Variants in FIP1L1 observed in about 807,000 individuals in gnomAD.
FIP1L1 encodes factor interacting with PAPOLA and CPSF1.
Under a neutral mutation model 84.6 loss-of-function variants are expected in FIP1L1, and 21 were observed. The observed-to-expected ratio is 0.25, with a 90% CI of 0.18 to 0.36. The LOEUF (loss-of-function observed/expected upper bound fraction) is 0.36. FIP1L1 is among the 10% of genes least tolerant of loss of function. The pLI, the probability that FIP1L1 is intolerant of heterozygous loss-of-function variation, is 1.00. For missense variants in FIP1L1, 526 were observed against 751.1 expected (o/e 0.70, Z 3.50); for synonymous variants, 263 against 242.3 (o/e 1.09, Z -0.80).
chr4:53,389,895 G>A (rs1357521828), intron 6 of FIP1L1, 22 bp downstream of exon 6: 3 of 1,556,980 alleles, frequency 1.9e-6, no homozygotes, highest in African/African-American at 2.8e-5. Context: ...ATTTTCTGTT[G>A]CATCAATAGG....
chr4:53,401,056 T>C (rs778250790), intron 10 of FIP1L1, among the ~76,000 whole-genome samples: 7 of 152,200 alleles, frequency 4.6e-5, no homozygotes, highest in Non-Finnish European at 1.0e-4. Flanking sequence ...GCAAATTCTC[T>C]AATCTTATGC....
In FIP1L1 at chr4:53,449,306, A is replaced by G. The variant is rs562462165; in HGVS notation, c.1286-3614A>G. Among the ~76,000 whole-genome samples, 3 of 152,082 alleles carry G rather than the reference A, an allele frequency of 2.0e-5. No homozygotes were observed. In the South Asian group the frequency reaches 6.2e-4, roughly 32 times the overall value. On this transcript the variant is annotated intron_variant, in intron 15 of 17. Transcript: ENST00000337488. ...TTAAGGAAATTCTGTTCCTCTCCTG[A>G]TTTTCCAAGGGCTTATAAAACTATG...
At chr4:53,419,855 A>G (rs1035668017) in intron 11 of FIP1L1, among the ~76,000 whole-genome samples, 3 of 152,122 alleles carry the variant, frequency 2.0e-5, no homozygotes, top group Admixed American at 6.5e-5. Flanking sequence ...GCTCACGCCT[A>G]TAATCCCAGA....
At chr4:53,400,436 A>T (rs1442863115) in intron 10 of FIP1L1, among the ~76,000 whole-genome samples, 1 of 152,212 alleles carries the variant, frequency 6.6e-6, no homozygotes, top group East Asian at 1.9e-4. Flanking sequence ...CTGGTAAAGG[A>T]TAGTAGGCTA....
intron 13 of FIP1L1, among the ~76,000 whole-genome samples, chr4:53,437,081 C>G (rs1769562341): frequency 6.6e-6 from 1 of 152,020 alleles, no homozygotes; most frequent in South Asian, 2.1e-4. Flanking sequence ...AATCACAGCA[C>G]TTTGGGAGGC....
chr4:53,389,203 A>T (rs1289673093), intron 5 of FIP1L1, among the ~76,000 whole-genome samples: 1 of 152,222 alleles, frequency 6.6e-6, no homozygotes, highest in Non-Finnish European at 1.5e-5. Context: ...TGAGTACTCC[A>T]TGAATAGTTG....
chr4:53,405,489 G>A (rs557340643), intron 10 of FIP1L1, among the ~76,000 whole-genome samples: 168 of 150,832 alleles, frequency 1.1e-3, no homozygotes, highest in Non-Finnish European at 1.9e-3. Flanking sequence ...TTGGCGATGC[G>A]GGCTCTTTTT....
chr4:53,402,918 G>C (rs891096784), intron 10 of FIP1L1, among the ~76,000 whole-genome samples: 1 of 152,166 alleles, frequency 6.6e-6, no homozygotes, highest in African/African-American at 2.4e-5. Flanking sequence ...CACCAGTGCA[G>C]ATGGGTAGGT....
At chr4:53,389,783 GTTTT>G in intron 5 of FIP1L1, 22 bp from the exon 6 acceptor site, 1 of 1,528,064 alleles carries the variant, frequency 6.5e-7, no homozygotes, top group Middle Eastern at 1.7e-4. Flanking sequence ...GATAATTTCT[GTTTT>G]TTTTTGTTTG....
chr4:53,390,272 T>A (rs1743527449), intron 6 of FIP1L1, among the ~76,000 whole-genome samples: 1 of 152,124 alleles, frequency 6.6e-6, no homozygotes, highest in South Asian at 2.1e-4. Context: ...AAGAGTAATT[T>A]TTGACCGTAC....
intron 10 of FIP1L1, among the ~76,000 whole-genome samples, chr4:53,410,209 A>G (rs1756442876): frequency 6.6e-6 from 1 of 152,234 alleles, no homozygotes; most frequent in African/African-American, 2.4e-5. Flanking sequence ...ATAGAGTAAG[A>G]GAAGACAACA....
Position 53,419,662 on chromosome 4 carries a change from C to A in FIP1L1, c.923+4940C>A, listed in dbSNP as rs570137073. Among the ~76,000 whole-genome samples the A allele has an allele frequency of 2.0e-5, 3 of 152,226 alleles. No individual in the cohort carries two copies. In the South Asian group the frequency reaches 6.2e-4, roughly 32 times the overall value. Reference sequence around the variant, plus strand: ...CTATGTTGCTCAGGCTGATCTTGATCTCCTGAACTCAAGTGATTCTCCTGC... The same window carrying A: ...CTATGTTGCTCAGGCTGATCTTGATATCCTGAACTCAAGTGATTCTCCTGC... On this transcript the variant is annotated intron_variant, in intron 11 of 17. Coordinates refer to ENST00000337488, the MANE Select transcript of FIP1L1 (RefSeq NM_030917.4).
At chr4:53,393,979 G>C (rs1182124986) in intron 9 of FIP1L1, among the ~76,000 whole-genome samples, 4 of 151,668 alleles carry the variant, frequency 2.6e-5, no homozygotes, top group Non-Finnish European at 4.4e-5. Flanking sequence ...TCTTCGAATG[G>C]TCTTCTAATT....
intron 9 of FIP1L1, among the ~76,000 whole-genome samples, chr4:53,392,048 GT>G (rs1744528788): frequency 1.3e-5 from 2 of 152,302 alleles, no homozygotes; most frequent in African/African-American, 4.8e-5. Context: ...AAAGGAGTAG[GT>G]TTATGTGAGA....
At chr4:53,401,115 G>A (rs1750022826) in intron 10 of FIP1L1, among the ~76,000 whole-genome samples, 1 of 152,154 alleles carries the variant, frequency 6.6e-6, no homozygotes, top group Non-Finnish European at 1.5e-5. Context: ...CCCTCACAGT[G>A]TAGTTATCTA....
At chr4:53,443,016 A>G (rs915863410) in intron 14 of FIP1L1, among the ~76,000 whole-genome samples, 3 of 152,132 alleles carry the variant, frequency 2.0e-5, no homozygotes, top group Non-Finnish European at 4.4e-5. Flanking sequence ...AAATACAAAC[A>G]TAAATTACTG....
chr4:53,419,775 G>A, intron 11 of FIP1L1, among the ~76,000 whole-genome samples: 1 of 152,054 alleles, frequency 6.6e-6, no homozygotes, highest in Non-Finnish European at 1.5e-5. Context: ...TACTTGTAAG[G>A]ATTAAATAAA....
chr4:53,399,716 C>CTTT lies in FIP1L1; in HGVS notation c.706-6_706-4dup. 1.6e-6 allele frequency: 2 copies of CTTT among 1,283,070 alleles called. No individual in the cohort carries two copies. Among genetic ancestry groups the CTTT allele is most frequent in the East Asian group, 2.8e-5 (1 of 35,694 alleles). 79.5% of individuals were successfully genotyped at this position (1,283,070 alleles called of 1,614,324 possible). A position where few individuals can be genotyped will look rare whatever the true frequency, so the allele number is the denominator to read the frequency against. On this transcript the variant is annotated splice_polypyrimidine_tract_variant and intron_variant, in intron 9 of 17. Coordinates refer to ENST00000337488, the MANE Select transcript of FIP1L1 (RefSeq NM_030917.4). ...CTGTTAAATTCAACAAGCTAATAAC[C>CTTT]TTTTTTTTTTAAGGTACAGCAGGGA...
At chr4:53,400,702 A>G (rs1249048855) in intron 10 of FIP1L1, among the ~76,000 whole-genome samples, 2 of 152,226 alleles carry the variant, frequency 1.3e-5, no homozygotes, top group African/African-American at 2.4e-5. Flanking sequence ...TAGCTCTAAG[A>G]TAACGATTCT....
Sources: gnomAD v4.1 joint callset for allele counts (sites outside exome capture counted in the v4.1 genomes callset) on GRCh38, gnomAD v4.1.1 for gene constraint, MANE v1.5 for transcripts, NCBI Gene and HGNC (gene_info 2026-07-23, HGNC 2026-07-21) for gene names.